Variants in PLXDC2 observed in about 807,000 individuals in gnomAD.
PLXDC2 encodes the protein plexin domain-containing protein 2.
Under a neutral mutation model 68.9 loss-of-function variants are expected in PLXDC2, and 40 were observed. The observed-to-expected ratio is 0.58, with a 90% confidence interval of 0.45 to 0.76. The LOEUF (loss-of-function observed/expected upper bound fraction) is 0.76, where lower values mean the gene tolerates loss of function less well. Among genes scored for constraint, PLXDC2 ranks in the 30% least tolerant of loss-of-function variants. The pLI is 0.00. For missense variants in PLXDC2, 644 were observed against 661.9 expected (o/e 0.97, Z 0.30); for synonymous variants, 243 against 234.2 (o/e 1.04, Z -0.34).
intron 4 of PLXDC2, among the ~76,000 whole-genome samples, chr10:20,102,036 ATTTGATC>A: frequency 6.6e-6 from 1 of 152,032 alleles, no homozygotes; most frequent in Non-Finnish European, 1.5e-5. Flanking sequence ...TCCTGACCTC[ATTTGATC>A]CTCCCGCCTC....
At chr10:20,251,573 T>C (rs1386891265) in intron 13 of PLXDC2, among the ~76,000 whole-genome samples, 2 of 152,168 alleles carry the variant, frequency 1.3e-5, no homozygotes, top group African/African-American at 4.8e-5. Context: ...GATAAATGTT[T>C]ACACTCTTGA....
chr10:20,101,975 C>T (rs7073800), intron 4 of PLXDC2, among the ~76,000 whole-genome samples: 82,807 of 151,450 alleles, frequency 0.55, 25,116 homozygotes, highest in East Asian at 0.9. Context: ...CTAATTTTTG[C>T]ATTTCTAGTA....
chr10:19,829,587 G>T lies in PLXDC2; in HGVS notation c.112+12396G>T, dbSNP rs549230710. Among the ~76,000 whole-genome samples the T allele has an allele frequency of 4.6e-5, 7 of 152,034 alleles. No homozygotes were observed. The South Asian group carries it at 1.5e-3, about 32-fold the overall frequency. On this transcript the variant is annotated intron_variant, in intron 1 of 13. Transcript: ENST00000377252. ...TACTAAAAATACAAAAAATTAGCCAGACGTGGTGGCGGGCACCTGTAGTCC... is the reference window on the plus strand; with the variant it reads ...TACTAAAAATACAAAAAATTAGCCATACGTGGTGGCGGGCACCTGTAGTCC...
chr10:20,276,977 T>C (rs2482816), intron 13 of PLXDC2, among the ~76,000 whole-genome samples: 132,361 of 151,946 alleles, frequency 0.87, 58,116 homozygotes, highest in Middle Eastern at 0.95. Context: ...TTTGGGAGGC[T>C]GAGGTGGGTG....
intron 12 of PLXDC2, among the ~76,000 whole-genome samples, chr10:20,243,675 A>C (rs12412269): frequency 0.23 from 34,685 of 151,500 alleles, 3,977 homozygotes; most frequent in East Asian, 0.26. Flanking sequence ...AAAAGAAAGA[A>C]ATCAGTGCTT....
intron 3 of PLXDC2, among the ~76,000 whole-genome samples, chr10:20,057,286 T>C (rs956775913): frequency 7.9e-5 from 12 of 152,200 alleles, no homozygotes; most frequent in African/African-American, 2.9e-4. Context: ...CAAATAATCT[T>C]AATTCTTGTG....
At position 20,254,710 on chromosome 10, in the gene PLXDC2, A is replaced by G. The variant is rs573624295; in HGVS notation, c.1473+9205A>G. 1.8e-3 allele frequency among the ~76,000 whole-genome samples: 274 copies of G among 152,348 alleles called. 1 individual carries two copies. Among genetic ancestry groups the G allele is most frequent in the Non-Finnish European group, 2.3e-3 (156 of 68,040 alleles). The stretch of plus-strand genomic sequence containing the variant: ...CTCTCATTAAAGAAGCTATATTAGT[A>G]GATGACAGCTTTCCAGAAATATAGT... On this transcript the variant is annotated intron_variant, in intron 13 of 13. Coordinates refer to ENST00000377252, the MANE Select transcript of PLXDC2 (RefSeq NM_032812.9).
intron 9 of PLXDC2, among the ~76,000 whole-genome samples, chr10:20,187,686 A>T (rs75280161): frequency 0.026 from 3,989 of 151,982 alleles, 65 homozygotes; most frequent in Non-Finnish European, 0.032. Context: ...ACATCATCAA[A>T]ATCTTAATTA....
chr10:19,947,636 C>T (rs1009921511), intron 1 of PLXDC2, among the ~76,000 whole-genome samples: 1 of 151,524 alleles, frequency 6.6e-6, no homozygotes, highest in East Asian at 1.9e-4. Context: ...CCTAAAAATT[C>T]TGTAATACAC....
At chr10:20,135,277 C>T (rs879559441) in intron 4 of PLXDC2, among the ~76,000 whole-genome samples, 1 of 152,142 alleles carries the variant, frequency 6.6e-6, no homozygotes, top group Non-Finnish European at 1.5e-5. Flanking sequence ...CCATGAAAAG[C>T]CAGGTACTTT....
chr10:20,061,579 T>G (rs1402969570), intron 3 of PLXDC2, among the ~76,000 whole-genome samples: 1 of 152,144 alleles, frequency 6.6e-6, no homozygotes, highest in African/African-American at 2.4e-5. Context: ...CTTTTGTAAT[T>G]AAAAAAATCT....
intron 1 of PLXDC2, among the ~76,000 whole-genome samples, chr10:19,960,954 G>A (rs1362136329): frequency 1.3e-5 from 2 of 152,212 alleles, no homozygotes; most frequent in Non-Finnish European, 2.9e-5. Flanking sequence ...TCAGGAAGCT[G>A]AGCAGCAGTA....
Position 20,019,216 on chromosome 10 carries a change from A to G in PLXDC2, c.324+17230A>G, listed in dbSNP as rs1835262653. Among the ~76,000 whole-genome samples, 5 of 152,264 alleles carry G rather than the reference A, an allele frequency of 3.3e-5. No individual in the cohort carries two copies. In the South Asian group the frequency reaches 1.0e-3, roughly 31 times the overall value. On this transcript the variant is annotated intron_variant, in intron 2 of 13. Coordinates refer to ENST00000377252, the MANE Select transcript of PLXDC2 (RefSeq NM_032812.9). ...GCAAACTTTGACTCCAATAACTGGT[A>G]GAATTTCTTCTCATGATTGTAACAA...
intron 9 of PLXDC2, among the ~76,000 whole-genome samples, chr10:20,179,093 C>G (rs4748643): frequency 0.88 from 134,256 of 151,744 alleles, 59,563 homozygotes; most frequent in Non-Finnish European, 0.91. Flanking sequence ...AAGGAACTCT[C>G]AGCTCAGAAA....
intron 1 of PLXDC2, among the ~76,000 whole-genome samples, chr10:19,883,008 G>A (rs1225053004): frequency 6.8e-6 from 1 of 147,088 alleles, no homozygotes; most frequent in Non-Finnish European, 1.5e-5. Context: ...CCAGGCTGGA[G>A]TGCAGTGGCT....
At chr10:20,000,746 G>A (rs1834921344) in intron 1 of PLXDC2, among the ~76,000 whole-genome samples, 1 of 152,032 alleles carries the variant, frequency 6.6e-6, no homozygotes, top group Non-Finnish European at 1.5e-5. Flanking sequence ...AATACATTTT[G>A]GTTTCTTAGA....
At chr10:20,001,618 A>G (rs1239971230) in intron 1 of PLXDC2, among the ~76,000 whole-genome samples, 157 bp from the exon 2 acceptor site, 1 of 152,234 alleles carries the variant, frequency 6.6e-6, no homozygotes, top group Non-Finnish European at 1.5e-5. Context: ...AGATGTTCGT[A>G]CCAGCTCAAG....
At chr10:20,052,759 AAAAG>A (rs2131689996) in intron 3 of PLXDC2, among the ~76,000 whole-genome samples, 1 of 151,732 alleles carries the variant, frequency 6.6e-6, no homozygotes, top group East Asian at 1.9e-4. Flanking sequence ...AGAAAAAAAG[AAAAG>A]AAAGATTTAG....
At chr10:19,891,329 C>T (rs1470656647) in intron 1 of PLXDC2, among the ~76,000 whole-genome samples, 1 of 152,120 alleles carries the variant, frequency 6.6e-6, no homozygotes, top group Non-Finnish European at 1.5e-5. Context: ...TTTTCTGTGT[C>T]CCAATTTAAA....
Sources: gnomAD v4.1 joint callset for allele counts (sites outside exome capture counted in the v4.1 genomes callset) on GRCh38, gnomAD v4.1.1 for gene constraint, MANE v1.5 for transcripts, NCBI Gene and HGNC (gene_info 2026-07-23, HGNC 2026-07-21) for gene names.